Variants in MCF2L observed in about 807,000 individuals in gnomAD.
The protein encoded by MCF2L is MCF.2 cell line derived transforming sequence like, also known as guanine nucleotide exchange factor DBS.
MCF2L carries 97 observed loss-of-function variants against 153.4 expected under a neutral mutation model. The ratio of observed to expected loss-of-function variants is 0.63; its 90% confidence interval spans 0.54 to 0.75. The LOEUF (loss-of-function observed/expected upper bound fraction) is 0.75. MCF2L is among the 30% of genes least tolerant of loss of function. The pLI, the probability that MCF2L is intolerant of heterozygous loss-of-function variation, is 0.00. For synonymous variants in MCF2L, 659 were observed against 632.2 expected (o/e 1.04, Z -0.64); for missense variants, 1,347 against 1,495.2 (o/e 0.90, Z 1.64).
At chr13:112,940,350 T>C (rs1045989695) in intron 2 of MCF2L, among the ~76,000 whole-genome samples, 4 of 152,252 alleles carry the variant, frequency 2.6e-5, no homozygotes, top group Non-Finnish European at 5.9e-5. Flanking sequence ...GCATCTCCAG[T>C]GCCAGCACGG....
At chr13:112,921,766 C>T (rs1337467328) in intron 2 of MCF2L, among the ~76,000 whole-genome samples, 1 of 152,150 alleles carries the variant, frequency 6.6e-6, no homozygotes, top group East Asian at 1.9e-4. Context: ...AAAAATGCCG[C>T]TAAGCAGCCT....
At chr13:113,004,716 G>T (rs758399659) in intron 1 of MCF2L, among the ~76,000 whole-genome samples, 1 of 152,210 alleles carries the variant, frequency 6.6e-6, no homozygotes, top group Non-Finnish European at 1.5e-5. Context: ...CTGTGCTCCC[G>T]CAGGGCCAGT....
At chr13:112,930,205 C>G (rs2081447594) in intron 2 of MCF2L, among the ~76,000 whole-genome samples, 1 of 152,138 alleles carries the variant, frequency 6.6e-6, no homozygotes, top group Non-Finnish European at 1.5e-5. Context: ...GGTGTTTACC[C>G]AAACTAGTTG....
chr13:113,034,539 C>T lies in MCF2L; in HGVS notation c.278+9781C>T, dbSNP rs904123603. ...GAGGAGTGAGTGCCCTCACCCTCAC[C>T]CTCACCCTCGCCCTGGTCTCACCCT... On this transcript the variant is annotated intron_variant, in intron 3 of 29. Transcript: ENST00000535094. Among the ~76,000 whole-genome samples the T allele has an allele frequency of 3.9e-5, 6 of 152,002 alleles. No individual in the cohort carries two copies. In the East Asian group the frequency reaches 9.7e-4, roughly 25 times the overall value.
chr13:112,923,528 T>G (rs2081374608), intron 2 of MCF2L, among the ~76,000 whole-genome samples: 1 of 152,146 alleles, frequency 6.6e-6, no homozygotes, highest in Non-Finnish European at 1.5e-5. Context: ...CCTCCCAAAG[T>G]GCTGGGATTA....
intron 1 of MCF2L, among the ~76,000 whole-genome samples, chr13:113,000,334 A>C (rs1364824409): frequency 6.6e-6 from 1 of 152,040 alleles, no homozygotes; most frequent in East Asian, 1.9e-4. Flanking sequence ...TGGACATCAC[A>C]GCCCCTCGGT....
intron 11 of MCF2L, 107 bp from the exon 12 acceptor site, chr13:113,075,859 G>A (rs567591760): frequency 3.6e-4 from 319 of 882,242 alleles, no homozygotes; most frequent in Non-Finnish European, 4.5e-4. Flanking sequence ...CGAGGAGTCG[G>A]TGGCCCGGGA....
chr13:113,093,779 TTTA>T (rs1176861760), intron 26 of MCF2L: 3 of 152,364 alleles, frequency 2.0e-5, no homozygotes, highest in African/African-American at 7.2e-5. Context: ...GCTTTGCGTG[TTTA>T]TTTAGCCCCA....
chr13:113,014,674 T>G (rs1490450037), intron 1 of MCF2L, 89 bp from the exon 2 acceptor site: 42 of 1,069,508 alleles, frequency 3.9e-5, no homozygotes, highest in Admixed American at 1.3e-4. Context: ...TGCCTGTGGA[T>G]GTGCCAGCTC....
chr13:113,011,459 CTG>C (rs2084094371), intron 1 of MCF2L, among the ~76,000 whole-genome samples: 1 of 149,932 alleles, frequency 6.7e-6, no homozygotes, highest in African/African-American at 2.5e-5. Context: ...ATGGTGGACA[CTG>C]CAGTGCAGAT....
At position 113,096,624 on chromosome 13, in the gene MCF2L, C is replaced by G; in HGVS notation, c.3263C>G (p.Ser1088Cys). ...AGCCTGTCCGTCCGGCTCGGCCCGT[C>G]CGGCTCGGCCCAGTGCCTGAGCAGC... ...ASSLSVRLGPSGSAQCLSSSE... is the reference protein window; with the variant it reads ...ASSLSVRLGPCGSAQCLSSSE... Residue 1088 changes from serine (S) to cysteine (C), a missense_variant, in exon 29 of 30, where the codon TCC (serine) becomes TGC (cysteine). Physicochemically the swap from Ser to Cys is moderately radical, Grantham distance 112 (BLOSUM62 -1). Coordinates refer to ENST00000535094, the MANE Select transcript of MCF2L (RefSeq NM_001112732.3). The G allele has an allele frequency of 1.3e-6, 2 of 1,593,350 alleles. No individual in the cohort carries two copies. Among genetic ancestry groups the G allele is most frequent in the South Asian group, 2.2e-5 (2 of 89,264 alleles).
chr13:112,910,371 AC>A (rs2081218412), intron 2 of MCF2L: 1 of 152,268 alleles, frequency 6.6e-6, no homozygotes, highest in Admixed American at 6.5e-5. Flanking sequence ...ACATTCATGA[AC>A]AAAGGTGATC....
At chr13:112,925,873 AAC>A (rs1426877915) in intron 2 of MCF2L, among the ~76,000 whole-genome samples, 3 of 152,086 alleles carry the variant, frequency 2.0e-5, no homozygotes, top group African/African-American at 7.3e-5. Flanking sequence ...ATGAGAAGAA[AAC>A]AAGAAGCAAA....
chr13:113,022,482 G>A (rs960963378), intron 2 of MCF2L, among the ~76,000 whole-genome samples: 1 of 149,990 alleles, frequency 6.7e-6, no homozygotes, highest in Admixed American at 6.7e-5. Context: ...CCCAGCTGCC[G>A]TCGGCGTCAC....
Position 113,031,636 on chromosome 13 carries a change from A to G in MCF2L, c.278+6878A>G, listed in dbSNP as rs1048360127. On this transcript the variant is annotated intron_variant, in intron 3 of 29. Coordinates refer to ENST00000535094, the MANE Select transcript of MCF2L (RefSeq NM_001112732.3). The surrounding 1 kb of genome is among the most constrained non-coding windows in gnomAD (Gnocchi z 5.5). Reference sequence around the variant, plus strand: ...TGGGGAGGAGGGCGGCGGCCCTCAGAGAAGGGACGAGGTGGGAAGCCTGGA... The same window carrying G: ...TGGGGAGGAGGGCGGCGGCCCTCAGGGAAGGGACGAGGTGGGAAGCCTGGA... Among the ~76,000 whole-genome samples the G allele has an allele frequency of 6.6e-6, 1 of 152,080 alleles. No homozygotes were observed. The highest frequency in any genetic ancestry group is 2.4e-5 in the African/African-American group (1 of 41,402).
chr13:113,033,378 CGTGAGTGGCCCCCGTG>C (rs1566773461), intron 3 of MCF2L, among the ~76,000 whole-genome samples: 1,109 of 93,978 alleles, frequency 0.012, 260 homozygotes, highest in East Asian at 0.055. Context: ...GCCCCCGTGA[CGTGAGTGGCCCCCGTG>C]ATGTGAGTGG....
At chr13:113,044,488 T>A (rs1054906608) in intron 3 of MCF2L, 40 of 721,404 alleles carry the variant, frequency 5.5e-5, no homozygotes, top group Non-Finnish European at 3.4e-5. Flanking sequence ...TAGGACATGT[T>A]CAGAGACTTG....
intron 26 of MCF2L, 101 bp downstream of exon 26, chr13:113,089,829 A>T: frequency 1.2e-6 from 2 of 1,608,650 alleles, no homozygotes; most frequent in Non-Finnish European, 1.7e-6. Flanking sequence ...TGCAGTGTGA[A>T]GAAGCTTTGC....
At chr13:112,980,670 G>GCCTTT (rs2082385154) in intron 1 of MCF2L, among the ~76,000 whole-genome samples, 1 of 5,368 alleles carries the variant, frequency 1.9e-4, no homozygotes, top group African/African-American at 3.2e-4. Flanking sequence ...CCCCCGCCTT[G>GCCTTT]GGCACGGACA....
Sources: gnomAD v4.1 joint callset for allele counts (sites outside exome capture counted in the v4.1 genomes callset) on GRCh38, gnomAD v4.1.1 for gene constraint, Gnocchi (gnomAD v3.1) non-coding constraint, MANE v1.5 for transcripts, NCBI Gene and HGNC (gene_info 2026-07-23, HGNC 2026-07-21) for gene names.